The following FLT4 variants were observed in gnomAD, a reference collection of about 807,000 sequenced individuals.
FLT4 encodes vascular endothelial growth factor receptor 3.
Under a neutral mutation model 163.2 loss-of-function variants are expected in FLT4, and 30 were observed. The ratio of observed to expected loss-of-function variants is 0.18; its 90% CI spans 0.14 to 0.25. The LOEUF (loss-of-function observed/expected upper bound fraction) is 0.25. Ranked by LOEUF, FLT4 falls within the 10% of genes least tolerant of loss-of-function variation. The probability of loss-of-function intolerance (pLI) is 1.00; values close to 1 mark genes in which losing one functional copy is unlikely to be tolerated. For missense variants in FLT4, 1,510 were observed against 1,863.8 expected, an observed-to-expected ratio of 0.81 and a Z score of 3.50; for synonymous variants, 884 against 789.5, an observed-to-expected ratio of 1.12 and a Z score of -2.01.
chr5:180,612,258 G>T lies in FLT4; in HGVS notation c.3537+248C>A, dbSNP rs1010137501. ...GGGACCAGCCTAGGATTCCCCTCGC[G>T]CAGGGACAGGCTCTGACTATCCACA... On this transcript the variant is annotated intron_variant, in intron 26 of 29. Transcript: ENST00000261937. The T allele has an allele frequency of 1.7e-5, 10 of 576,312 alleles. No homozygotes were observed. In the Admixed American group the frequency reaches 2.4e-4, roughly 14 times the overall value. 35.7% of individuals were successfully genotyped at this position (576,312 alleles called of 1,614,324 possible). A position where few individuals can be genotyped will look rare whatever the true frequency, so the allele number is the denominator to read the frequency against.
At chr5:180,622,400 T>G (rs1335723362) in intron 12 of FLT4, among the ~76,000 whole-genome samples, 2 of 151,998 alleles carry the variant, frequency 1.3e-5, no homozygotes, top group East Asian at 3.9e-4. Context: ...CCACAGAGCT[T>G]CTCCCCAGAG....
Position 180,619,372 on chromosome 5 carries a change from GGGGACAC to G in FLT4, c.2648-13_2648-7del. 1 of 1,601,576 alleles carries G rather than the reference GGGGACAC, an allele frequency of 6.2e-7. No individual in the cohort carries two copies. Among genetic ancestry groups the G allele is most frequent in the Non-Finnish European group, 8.5e-7 (1 of 1,173,896 alleles). On this transcript the variant is annotated splice_polypyrimidine_tract_variant and splice_region_variant and intron_variant, in intron 18 of 29. Transcript: ENST00000261937. ...CTCGCTGGCCGTGGCGCCCTCTGGA[GGGGACAC>G]GGGCCTCACACCGGCCCCGACCCTG...
chr5:180,604,765 C>G (rs1181060033), intron 29 of FLT4, among the ~76,000 whole-genome samples: 1 of 152,186 alleles, frequency 6.6e-6, no homozygotes, highest in African/African-American at 2.4e-5. Flanking sequence ...AATATTAGTT[C>G]TTTTACTGTT....
At chr5:180,606,913 AAACAAAC>A (rs1452191967) in intron 29 of FLT4, among the ~76,000 whole-genome samples, 1 of 130,846 alleles carries the variant, frequency 7.6e-6, no homozygotes, top group African/African-American at 3.1e-5. Flanking sequence ...AAAAAAAAAA[AAACAAAC>A]AAACAAACTT....
chr5:180,642,917 C>T (rs146321909), intron 1 of FLT4, among the ~76,000 whole-genome samples: 2 of 152,338 alleles, frequency 1.3e-5, no homozygotes, highest in African/African-American at 2.4e-5. Flanking sequence ...TGAAGCACAG[C>T]CCTACGCATG....
intron 18 of FLT4, 138 bp from the exon 19 acceptor site, chr5:180,619,504 G>T (rs770683331): frequency 3.1e-6 from 3 of 953,572 alleles, no homozygotes; most frequent in Non-Finnish European, 5.1e-6. Context: ...GAGGGGGTTC[G>T]GGTGGTCCCT....
At chr5:180,618,664 C>T (rs529856215) in intron 21 of FLT4, 106 bp downstream of exon 21, 351 of 1,246,340 alleles carry the variant, frequency 2.8e-4, no homozygotes, top group Middle Eastern at 6.1e-4. Flanking sequence ...CCATTCCACA[C>T]TCTCCCATGA....
At position 180,633,747 on chromosome 5, in the gene FLT4, C is replaced by T. The variant is rs559308936; in HGVS notation, c.59-1969G>A. On this transcript the variant is annotated intron_variant, in intron 1 of 29. Coordinates refer to ENST00000261937, the MANE Select transcript of FLT4 (RefSeq NM_182925.5). Reference sequence around the variant, plus strand: ...GGCACCGGAGTGGGTGGTGGTCTGTCCTCAGAGCTACAGAGGAGGGATGAT... The same window carrying T: ...GGCACCGGAGTGGGTGGTGGTCTGTTCTCAGAGCTACAGAGGAGGGATGAT... Among the ~76,000 whole-genome samples the T allele has an allele frequency of 4.6e-5, 7 of 152,242 alleles. No individual in the cohort carries two copies. The South Asian group carries it at 1.5e-3, about 32-fold the overall frequency.
chr5:180,649,546 C>G lies in FLT4; in HGVS notation c.-1G>C. The G allele has an allele frequency of 7.0e-7, 1 of 1,432,780 alleles. No individual in the cohort carries two copies. Among genetic ancestry groups the G allele is most frequent in the African/African-American group, 1.5e-5 (1 of 67,374 alleles). 88.8% of individuals were successfully genotyped at this position (1,432,780 alleles called of 1,614,324 possible). On this transcript the variant is annotated 5_prime_UTR_variant, in exon 1 of 30. Transcript: ENST00000261937. ...GGCACAGCGCGGCGCCCCGCTGCATCTCCGGCCGCTGCGCGTGGGTCCGAC... is the reference window on the plus strand; with the variant it reads ...GGCACAGCGCGGCGCCCCGCTGCATGTCCGGCCGCTGCGCGTGGGTCCGAC...
intron 2 of FLT4, among the ~76,000 whole-genome samples, chr5:180,631,301 G>A (rs148929329): frequency 5.1e-4 from 78 of 152,046 alleles, no homozygotes; most frequent in African/African-American, 1.5e-3. Context: ...GTGAAACCCC[G>A]TCTCTACTAC....
intron 29 of FLT4, among the ~76,000 whole-genome samples, chr5:180,604,118 G>A (rs1281622988): frequency 1.3e-5 from 2 of 152,098 alleles, no homozygotes; most frequent in African/African-American, 2.4e-5. Context: ...AACACACACA[G>A]ACTCGACTCA....
chr5:180,629,959 G>A lies in FLT4; in HGVS notation c.660C>T (p.Phe220=). 2.5e-6 allele frequency: 4 copies of A among 1,612,880 alleles called. No individual in the cohort carries two copies. The South Asian group carries it at 3.3e-5, about 13-fold the overall frequency. The change falls in exon 5 of 30, where the codon TTC becomes TTT. Residue 220 remains phenylalanine, a synonymous_variant. Coordinates refer to ENST00000261937, the MANE Select transcript of FLT4 (RefSeq NM_182925.5). ...CCCTGTTACCTGTGATGTGCACCAG[G>A]AAGGGGTTGGAAAGGAAGTCCTGGT... ...WGDQDFLSNP[F]LVHITGNELY...
Position 180,625,882 on chromosome 5 carries a change from C to A in FLT4, c.1408G>T (p.Ala470Ser), listed in dbSNP as rs2127826468. 6.2e-7 allele frequency: 1 copy of A among 1,611,776 alleles called. No homozygotes were observed. The highest frequency in any genetic ancestry group is 8.5e-7 in the Non-Finnish European group (1 of 1,179,924). Residue 470 changes from alanine to serine, a missense_variant, in exon 10 of 30, where the codon GCC becomes TCC. Physicochemically the swap from Ala to Ser is moderately conservative, Grantham distance 99. Around this residue, in one of 5 missense-constraint regions of FLT4, gnomAD observed 878 missense variants for 1,016.7 expected, o/e 0.86. Coordinates refer to ENST00000261937, the MANE Select transcript of FLT4 (RefSeq NM_182925.5). ...WRPWTPCKMF[A>S]QRSLRRRQQQ... ...AGCTGTACTCACAGACTACGCTGGG[C>A]AAACATCTTGCAGGGTGTCCAGGGC...
At chr5:180,627,557 A>G (rs1030821290) in intron 8 of FLT4, among the ~76,000 whole-genome samples, 84 of 152,254 alleles carry the variant, frequency 5.5e-4, no homozygotes, top group African/African-American at 1.9e-3. Flanking sequence ...TGTTTGCTAG[A>G]CCGTCCACCC....
At chr5:180,625,774 A>C in intron 10 of FLT4, 95 bp downstream of exon 10, 1 of 1,156,130 alleles carries the variant, frequency 8.6e-7, no homozygotes, top group Non-Finnish European at 1.3e-6. Flanking sequence ...TACAGGGAAG[A>C]CCTGGGCAGT....
chr5:180,642,723 A>C (rs1041841733), intron 1 of FLT4, among the ~76,000 whole-genome samples: 9 of 152,132 alleles, frequency 5.9e-5, no homozygotes, highest in African/African-American at 2.2e-4. Context: ...ACAACTGTGC[A>C]CCCGCCAGAG....
At chr5:180,628,226 T>C (rs547020058) in intron 8 of FLT4, among the ~76,000 whole-genome samples, 2 of 152,258 alleles carry the variant, frequency 1.3e-5, no homozygotes, top group African/African-American at 4.8e-5. Flanking sequence ...GGGTGAGCCA[T>C]GTGGATGACT....
chr5:180,626,689 A>G (rs116160863), intron 8 of FLT4, among the ~76,000 whole-genome samples: 825 of 152,304 alleles, frequency 5.4e-3, no homozygotes, highest in Non-Finnish European at 9.0e-3. Context: ...CCAGCTGGGC[A>G]CGGCCTGGAG....
intron 27 of FLT4, 94 bp downstream of exon 27, chr5:180,611,237 T>G: frequency 7.1e-7 from 1 of 1,408,550 alleles, no homozygotes; most frequent in Non-Finnish European, 9.7e-7. Context: ...TGACGTCGCA[T>G]GATTTGCTTT....
Sources: gnomAD v4.1 joint callset for allele counts (sites outside exome capture counted in the v4.1 genomes callset) on GRCh38, gnomAD v4.1.1 for gene constraint, gnomAD v4.1.1 regional missense constraint, MANE v1.5 for transcripts, NCBI Gene and HGNC (gene_info 2026-07-23, HGNC 2026-07-21) for gene names.